Variants in PRMT2 observed in about 807,000 individuals in gnomAD.
PRMT2 encodes the protein protein arginine methyltransferase 2.
In PRMT2, 26 loss-of-function variants were observed where a neutral mutation model predicts 57.6. The observed-to-expected ratio is 0.45, with a 90% confidence interval of 0.33 to 0.63. PRMT2 has a LOEUF of 0.63. PRMT2 is among the 20% of genes least tolerant of loss of function. The probability of loss-of-function intolerance (pLI) is 0.02; values close to 1 mark genes in which losing one functional copy is unlikely to be tolerated. For missense variants in PRMT2, 472 were observed against 564.4 expected (o/e 0.84, Z 1.66); for synonymous variants, 219 against 220.0 (o/e 1.00, Z 0.04).
At chr21:46,660,296 G>C (rs1167060880) in intron 8 of PRMT2, 2 of 469,524 alleles carry the variant, frequency 4.3e-6, no homozygotes, top group Non-Finnish European at 5.6e-6. Flanking sequence ...TGTTGAATTT[G>C]TGTAGCAACA....
rs2061403316 is a variant in PRMT2 at position 46,648,718 on chromosome 21, G to C, written c.489+99G>C. 6.9e-7 allele frequency: 1 copy of C among 1,448,346 alleles called. No individual in the cohort carries two copies. The highest frequency in any genetic ancestry group is 2.3e-5 in the East Asian group (1 of 43,726). 89.7% of individuals were successfully genotyped at this position (1,448,346 alleles called of 1,614,324 possible). A position where few individuals can be genotyped will look rare whatever the true frequency, so the allele number is the denominator to read the frequency against. ...CTGACTTGTGACCCTGAGCTGTTGG[G>C]GGCTCACCGGTGACTCCATGGTCTT... On this transcript the variant is annotated intron_variant, in intron 6 of 11. Coordinates refer to ENST00000355680, the MANE Select transcript of PRMT2 (RefSeq NM_206962.4). This position sits in a 1 kb window ranked among gnomAD's most constrained non-coding sequence, Gnocchi z 4.8.
intron 8 of PRMT2, chr21:46,659,830 T>TAG: frequency 3.0e-6 from 3 of 985,434 alleles, no homozygotes; most frequent in Non-Finnish European, 3.6e-6. Flanking sequence ...AGCACTGCTG[T>TAG]GTGTCTGTTA....
chr21:46,661,880 C>T lies in PRMT2; in HGVS notation c.1041C>T (p.Phe347=), dbSNP rs763040666. 1 of 1,502,210 alleles carries T rather than the reference C, an allele frequency of 6.7e-7. No individual in the cohort carries two copies. The highest frequency in any genetic ancestry group is 8.9e-7 in the Non-Finnish European group (1 of 1,118,484). 93.1% of individuals were successfully genotyped at this position (1,502,210 alleles called of 1,614,324 possible). The change falls in exon 10 of 12, where the codon TTC becomes TTT. Residue 347 remains phenylalanine, a synonymous_variant. Coordinates refer to ENST00000355680, the MANE Select transcript of PRMT2 (RefSeq NM_206962.4). Reference sequence around the variant, plus strand: ...TCACGGCCTGGTTTAGCGTCCACTTCCAGAGCCTGCAGGAGGGGCAGCCGC... The same window carrying T: ...TCACGGCCTGGTTTAGCGTCCACTTTCAGAGCCTGCAGGAGGGGCAGCCGC... ...HGFTAWFSVH[F]QSLQEGQPPQ...
intron 3 of PRMT2, among the ~76,000 whole-genome samples, chr21:46,639,619 G>T: frequency 1.4e-5 from 2 of 144,832 alleles, no homozygotes; most frequent in East Asian, 2.0e-4. Flanking sequence ...TTCTTTTCTT[G>T]CGTGTACCTT....
intron 7 of PRMT2, among the ~76,000 whole-genome samples, chr21:46,651,601 C>T (rs370060649): frequency 6.6e-6 from 1 of 151,978 alleles, no homozygotes; most frequent in African/African-American, 2.4e-5. Flanking sequence ...GAGGCAGTTC[C>T]GACTTCAGAC....
rs749770365 is a variant in PRMT2 at position 46,663,403 on chromosome 21, C to T, written c.1118C>T (p.Thr373Met). The change falls in exon 11 of 12, where the codon ACG (threonine) becomes ATG (methionine). Residue 373 changes from threonine to methionine, a missense_variant. Transcript: ENST00000355680. ...TGCAGCACCACACACTGGAAGCAGA[C>T]GCTGTTCATGATGGACGACCCAGTC... ...PFHPTTHWKQ[T>M]LFMMDDPVPV... The T allele has an allele frequency of 8.7e-6, 14 of 1,613,136 alleles. No individual in the cohort carries two copies. Among genetic ancestry groups the T allele is most frequent in the South Asian group, 7.7e-5 (7 of 91,036 alleles).
intron 7 of PRMT2, chr21:46,654,805 C>G (rs2061518297): frequency 2.8e-6 from 2 of 721,038 alleles, no homozygotes; most frequent in Middle Eastern, 6.8e-4. Flanking sequence ...ACTTTAGCAT[C>G]CAAGGATTTG....
At chr21:46,646,724 G>A (rs956882939) in intron 5 of PRMT2, among the ~76,000 whole-genome samples, 1 of 152,226 alleles carries the variant, frequency 6.6e-6, no homozygotes, top group Non-Finnish European at 1.5e-5. Context: ...TACGGGGTGT[G>A]TGTGTGTAGT....
At chr21:46,642,790 A>G (rs2061298963) in intron 3 of PRMT2, among the ~76,000 whole-genome samples, 1 of 152,196 alleles carries the variant, frequency 6.6e-6, no homozygotes, top group South Asian at 2.1e-4. Flanking sequence ...TGGGAGGATG[A>G]GGCAGGTGGA....
chr21:46,642,471 T>C (rs896181536), intron 3 of PRMT2, among the ~76,000 whole-genome samples: 9 of 152,236 alleles, frequency 5.9e-5, no homozygotes, highest in African/African-American at 2.2e-4. Flanking sequence ...GTCCACTTTT[T>C]TAAAAGTCTG....
chr21:46,656,149 G>A (rs980024858), intron 7 of PRMT2, among the ~76,000 whole-genome samples: 2 of 152,164 alleles, frequency 1.3e-5, no homozygotes, highest in Admixed American at 6.5e-5. Flanking sequence ...CCCAACAAGA[G>A]CTGGTTGTGA....
chr21:46,644,739 C>T (rs147790101), intron 5 of PRMT2, among the ~76,000 whole-genome samples: 14 of 152,148 alleles, frequency 9.2e-5, no homozygotes, highest in Non-Finnish European at 1.6e-4. Flanking sequence ...TCATGTGTCA[C>T]AAAGTATTTT....
intron 7 of PRMT2, among the ~76,000 whole-genome samples, chr21:46,650,553 G>A (rs1458752948): frequency 6.6e-6 from 1 of 152,216 alleles, no homozygotes; most frequent in South Asian, 2.1e-4. Flanking sequence ...AATAACATCT[G>A]TGGAGCCATA....
intron 4 of PRMT2, 73 bp from the exon 5 acceptor site, chr21:46,644,233 G>A (rs1249412870): frequency 1.9e-5 from 28 of 1,439,764 alleles, no homozygotes; most frequent in Non-Finnish European, 2.5e-5. Context: ...CCATTGATGG[G>A]ATTTATCACT....
Position 46,663,574 on chromosome 21 carries a change from G to C in PRMT2, c.1269+20G>C. 1 of 1,607,662 alleles carries C rather than the reference G, an allele frequency of 6.2e-7. No homozygotes were observed. Among genetic ancestry groups the C allele is most frequent in the Non-Finnish European group, 8.5e-7 (1 of 1,174,690 alleles). On this transcript the variant is annotated intron_variant, in intron 11 of 11. Transcript: ENST00000355680. ...CAAAAAGTAAGATACGTAGTTGTAA[G>C]ATTCTGTCCTGTGGGTGCCGGTCCT...
At position 46,648,508 on chromosome 21, in the gene PRMT2, C is replaced by T; in HGVS notation, c.378C>T (p.His126=). 1 of 1,614,240 alleles carries T rather than the reference C, an allele frequency of 6.2e-7. No homozygotes were observed. The highest frequency in any genetic ancestry group is 1.1e-5 in the South Asian group (1 of 91,090). The change falls in exon 6 of 12, where the codon CAC becomes CAT. Residue 126 remains histidine, a synonymous_variant. Transcript: ENST00000355680. The surrounding 1 kb of genome is among the most constrained non-coding windows in gnomAD (Gnocchi z 4.8). ...LADQPRTTKY[H]SVILQNKESL... is the part of the protein sequence containing the mutation. ...ACCAGCCACGAACAACTAAATACCA[C>T]AGTGTCATCCTGCAGAATAAAGAAT...
intron 7 of PRMT2, chr21:46,656,841 T>C (rs1419743009): frequency 1.3e-5 from 2 of 152,254 alleles, no homozygotes; most frequent in South Asian, 2.1e-4. Context: ...AAACTAAAAA[T>C]GACTGCTCTG....
At position 46,648,213 on chromosome 21, in the gene PRMT2, T is replaced by C. The variant is rs1454537370; in HGVS notation, c.328-245T>C. 1 of 457,402 alleles carries C rather than the reference T, an allele frequency of 2.2e-6. No homozygotes were observed. The highest frequency in any genetic ancestry group is 1.9e-5 in the African/African-American group (1 of 51,990). 28.3% of individuals were successfully genotyped at this position (457,402 alleles called of 1,614,324 possible). ...TCTTTGTCATACATGGTTGTGCACC[T>C]TTCTTGTTAAATTTGTTCCTAGGTA... On this transcript the variant is annotated intron_variant, in intron 5 of 11. Transcript: ENST00000355680. This position sits in a 1 kb window ranked among gnomAD's most constrained non-coding sequence, Gnocchi z 4.8.
intron 9 of PRMT2, chr21:46,661,539 G>A (rs1056025448): frequency 2.4e-5 from 7 of 286,684 alleles, no homozygotes; most frequent in Admixed American, 1.6e-4. Flanking sequence ...TCCTTAACTG[G>A]AAGAGCTGAG....
Sources: allele counts gnomAD v4.1 joint callset (sites outside exome capture counted in the v4.1 genomes callset), GRCh38; gene constraint gnomAD v4.1.1; non-coding constraint Gnocchi (gnomAD v3.1); transcripts MANE v1.5; gene names NCBI Gene and HGNC (gene_info 2026-07-23, HGNC 2026-07-21).